The following CLVS1 variants were observed in gnomAD, a reference collection of about 807,000 sequenced individuals.
CLVS1 encodes clavesin 1.
A neutral mutation model predicts 33.1 loss-of-function variants in CLVS1; 10 were observed. The observed-to-expected ratio is 0.30, with a 90% CI of 0.19 to 0.51. The LOEUF is 0.51. Ranked by LOEUF, CLVS1 falls within the 20% of genes least tolerant of loss-of-function variation. The pLI, the probability that CLVS1 is intolerant of heterozygous loss-of-function variation, is 0.97. For synonymous variants in CLVS1, 163 were observed against 166.1 expected, an observed-to-expected ratio of 0.98 and a Z score of 0.14; for missense variants, 343 against 433.4, an observed-to-expected ratio of 0.79 and a Z score of 1.85.
intron 2 of CLVS1, among the ~76,000 whole-genome samples, chr8:61,176,537 G>T (rs945971337): frequency 8.5e-5 from 13 of 152,050 alleles, no homozygotes; most frequent in African/African-American, 3.1e-4. Context: ...AAGAAGAGGG[G>T]GCAGGACCAA....
At chr8:61,401,720 T>A (rs1241494377) in intron 3 of CLVS1, among the ~76,000 whole-genome samples, 1 of 152,194 alleles carries the variant, frequency 6.6e-6, no homozygotes, top group African/African-American at 2.4e-5. Context: ...TTAAAATTCA[T>A]ATGGAACCAA....
At chr8:61,034,511 T>G in the CLVS1 span, among the ~76,000 whole-genome samples, 6 of 152,156 alleles carry the variant, frequency 3.9e-5, no homozygotes, top group African/African-American at 1.4e-4. Flanking sequence ...CTTTGTACCA[T>G]TTGACCAACA....
At chr8:61,202,875 T>A (rs191420470) in intron 2 of CLVS1, 40 of 879,212 alleles carry the variant, frequency 4.5e-5, no homozygotes, top group African/African-American at 9.8e-5. Context: ...ATGATGAAGA[T>A]GATGATGATG....
the CLVS1 span, among the ~76,000 whole-genome samples, chr8:61,014,506 A>G: frequency 9.2e-5 from 14 of 152,216 alleles, no homozygotes; most frequent in Admixed American, 9.2e-4. Context: ...TGAATATGAA[A>G]TAGGTGATTT....
At chr8:61,400,756 T>C (rs1814717070) in intron 3 of CLVS1, among the ~76,000 whole-genome samples, 1 of 152,188 alleles carries the variant, frequency 6.6e-6, no homozygotes, top group Admixed American at 6.5e-5. Context: ...ATGTTGAATT[T>C]TATCGAAGGC....
At chr8:61,306,779 G>T (rs775728211) in intron 2 of CLVS1, among the ~76,000 whole-genome samples, 5 of 152,150 alleles carry the variant, frequency 3.3e-5, no homozygotes, top group Non-Finnish European at 7.3e-5. Context: ...ATGTATGAGG[G>T]TTCCCCTTTC....
intron 3 of CLVS1, among the ~76,000 whole-genome samples, chr8:61,416,839 A>G (rs1815458622): frequency 6.6e-6 from 1 of 152,192 alleles, no homozygotes; most frequent in Admixed American, 6.5e-5. Context: ...ATGGTTCTAT[A>G]CCTTGGGCTT....
At chr8:61,456,743 C>T (rs897604511) in intron 4 of CLVS1, among the ~76,000 whole-genome samples, 2 of 151,666 alleles carry the variant, frequency 1.3e-5, no homozygotes, top group East Asian at 2.0e-4. Flanking sequence ...GGTGAAACCC[C>T]GTCTGTACTA....
At chr8:61,366,603 GT>G (rs1224585286) in intron 2 of CLVS1, among the ~76,000 whole-genome samples, 1 of 152,164 alleles carries the variant, frequency 6.6e-6, no homozygotes, top group African/African-American at 2.4e-5. Flanking sequence ...CTCAGTGTTG[GT>G]CAAGGCAAGT....
chr8:61,292,008 T>G (rs1407353873), intron 1 of CLVS1: 1 of 185,256 alleles, frequency 5.4e-6, no homozygotes, highest in Non-Finnish European at 1.2e-5. Flanking sequence ...CTGTTACCTG[T>G]TCAGTAGGTC....
intron 2 of CLVS1, among the ~76,000 whole-genome samples, chr8:61,214,191 G>A (rs1808037274): frequency 6.6e-6 from 1 of 152,126 alleles, no homozygotes; most frequent in East Asian, 1.9e-4. Context: ...TTTCACCTCG[G>A]TCCTGTGGTC....
intron 2 of CLVS1, among the ~76,000 whole-genome samples, chr8:61,348,614 T>C (rs937167939): frequency 2.0e-5 from 3 of 151,568 alleles, no homozygotes; most frequent in South Asian, 2.1e-4. Context: ...TCTTTATCAG[T>C]TTATCTACTG....
At chr8:61,352,768 G>C (rs1055832921) in intron 2 of CLVS1, among the ~76,000 whole-genome samples, 2 of 151,350 alleles carry the variant, frequency 1.3e-5, no homozygotes, top group Non-Finnish European at 3.0e-5. Context: ...AAAAACATTT[G>C]AACAAAAAAG....
At chr8:61,036,957 C>T in the CLVS1 span, among the ~76,000 whole-genome samples, 2 of 152,132 alleles carry the variant, frequency 1.3e-5, no homozygotes, top group African/African-American at 4.8e-5. Flanking sequence ...ACATGATGGG[C>T]CTCTCTGACC....
At chr8:60,988,924 G>A in the CLVS1 span, among the ~76,000 whole-genome samples, 101 of 152,314 alleles carry the variant, frequency 6.6e-4, no homozygotes, top group African/African-American at 2.4e-3. Context: ...GAGTGCAGTG[G>A]CATGATCAAA....
At chr8:61,056,364 T>TA (rs1166631711), upstream of CLVS1, among the ~76,000 whole-genome samples, 1 of 152,212 alleles carries the variant, frequency 6.6e-6, no homozygotes, top group Non-Finnish European at 1.5e-5. Flanking sequence ...AGAATGGAAG[T>TA]AAACATCTTA....
intron 2 of CLVS1, among the ~76,000 whole-genome samples, chr8:61,214,831 C>T (rs1015693986): frequency 6.6e-6 from 1 of 152,040 alleles, no homozygotes; most frequent in Non-Finnish European, 1.5e-5. Context: ...GAATTCTGGC[C>T]CACTTGGCAG....
the CLVS1 span, among the ~76,000 whole-genome samples, chr8:61,003,530 A>G: frequency 6.6e-6 from 1 of 152,224 alleles, no homozygotes; most frequent in Non-Finnish European, 1.5e-5. Flanking sequence ...CACTGCAAGG[A>G]TAACTGGCAA....
intron 1 of CLVS1, among the ~76,000 whole-genome samples, chr8:61,292,887 A>C (rs1189427648): frequency 2.0e-5 from 3 of 152,206 alleles, no homozygotes; most frequent in African/African-American, 4.8e-5. Flanking sequence ...GAAAACTGCA[A>C]AATGGTTCTA....
Sources: allele counts gnomAD v4.1 joint callset (sites outside exome capture counted in the v4.1 genomes callset), GRCh38; gene constraint gnomAD v4.1.1; transcripts MANE v1.5; gene names NCBI Gene and HGNC (gene_info 2026-07-23, HGNC 2026-07-21).